ATP9A: variants seen among roughly 807,000 people sequenced by gnomAD.
ATP9A encodes the protein ATPase phospholipid transporting 9A.
In ATP9A, 52 loss-of-function variants were observed where a neutral mutation model predicts 144.1. That is an observed-to-expected ratio of 0.36 (90% CI 0.29 to 0.45). The LOEUF is 0.45. Ranked by LOEUF, ATP9A falls within the 20% of genes least tolerant of loss-of-function variation. ATP9A has a pLI of 1.00. For missense variants in ATP9A, 947 were observed against 1,392.7 expected (o/e 0.68, Z 5.09); for synonymous variants, 582 against 557.4 (o/e 1.04, Z -0.62).
intron 1 of ATP9A, chr20:51,734,840 C>A: frequency 4.6e-6 from 1 of 216,454 alleles, no homozygotes; most frequent in South Asian, 7.9e-5. Flanking sequence ...TTGTAAAGTC[C>A]AAAGAGGTTA....
At chr20:51,733,534 C>T (rs2077750845) in intron 1 of ATP9A, among the ~76,000 whole-genome samples, 1 of 152,024 alleles carries the variant, frequency 6.6e-6, no homozygotes, top group Admixed American at 6.6e-5. Flanking sequence ...CCACCACACC[C>T]AGCTAATTTT....
At chr20:51,765,718 G>C (rs1477040609) in intron 1 of ATP9A, among the ~76,000 whole-genome samples, 1 of 150,442 alleles carries the variant, frequency 6.6e-6, no homozygotes, top group Admixed American at 6.7e-5. Flanking sequence ...CACTTTCGGA[G>C]GCCAAGGCAG....
At chr20:51,712,512 T>C (rs1032050590) in intron 4 of ATP9A, among the ~76,000 whole-genome samples, 7 of 152,228 alleles carry the variant, frequency 4.6e-5, no homozygotes, top group African/African-American at 1.7e-4. Flanking sequence ...GAAATCTTCA[T>C]GGATGCAGTT....
chr20:51,757,438 G>A (rs529463234), intron 1 of ATP9A, among the ~76,000 whole-genome samples: 16 of 152,248 alleles, frequency 1.1e-4, no homozygotes, highest in Admixed American at 6.5e-4. Flanking sequence ...GGGGACCGCC[G>A]CCAACAGGCT....
At position 51,651,333 on chromosome 20, in the gene ATP9A, C is replaced by T. The variant is rs1568803568; in HGVS notation, c.1506+5605G>A. ...TAATATATTATATAATATATATTTA[C>T]ATAATATATTATATAATATATATTT... On this transcript the variant is annotated intron_variant, in intron 14 of 27. Coordinates refer to ENST00000338821, the MANE Select transcript of ATP9A (RefSeq NM_006045.3). Among the ~76,000 whole-genome samples the T allele has an allele frequency of 9.0e-5, 12 of 133,974 alleles. 1 individual carries two copies. The highest frequency in any genetic ancestry group is 4.2e-4 in the East Asian group (2 of 4,800). 87.9% of individuals were successfully genotyped at this position (133,974 alleles called of 152,430 possible).
intron 1 of ATP9A, among the ~76,000 whole-genome samples, chr20:51,738,545 A>T (rs1309846036): frequency 2.6e-5 from 4 of 151,052 alleles, no homozygotes; most frequent in African/African-American, 9.7e-5. Flanking sequence ...CTCTACTAAA[A>T]ATACAAAAGT....
In ATP9A at chr20:51,649,582, C is replaced by A. The variant is rs200742453; in HGVS notation, c.1506+7356G>T. Among the ~76,000 whole-genome samples the A allele has an allele frequency of 2.6e-5, 4 of 152,254 alleles. No homozygotes were observed. In the East Asian group the frequency reaches 7.7e-4, roughly 29 times the overall value. On this transcript the variant is annotated intron_variant, in intron 14 of 27. Coordinates refer to ENST00000338821, the MANE Select transcript of ATP9A (RefSeq NM_006045.3). ...AGTCAATGGCCCTAGTCCCTCTTTA[C>A]CTTTGAGGAGGCTGAGGTGCAGCAA... is the stretch of plus-strand genomic sequence containing the variant.
intron 3 of ATP9A, among the ~76,000 whole-genome samples, chr20:51,723,830 C>T (rs2077700515): frequency 6.6e-6 from 1 of 152,050 alleles, no homozygotes; most frequent in East Asian, 1.9e-4. Context: ...GCTGGAATTA[C>T]AGGTGTGAGC....
chr20:51,681,125 T>C lies in ATP9A; in HGVS notation c.800-4917A>G, dbSNP rs1165497557. Among the ~76,000 whole-genome samples the C allele has an allele frequency of 2.0e-5, 3 of 152,254 alleles. No individual in the cohort carries two copies. In the East Asian group the frequency reaches 5.8e-4, roughly 29 times the overall value. ...ATGACCTCTCCAAGGCATGTAACCT[T>C]GAACAAGTTGCTTAACCTGAGACTC... On this transcript the variant is annotated intron_variant, in intron 9 of 27. Coordinates refer to ENST00000338821, the MANE Select transcript of ATP9A (RefSeq NM_006045.3).
intron 23 of ATP9A, among the ~76,000 whole-genome samples, chr20:51,613,016 T>C (rs749916960): frequency 1.3e-5 from 2 of 152,138 alleles, no homozygotes; most frequent in South Asian, 4.2e-4. Context: ...GGCTTTGAGG[T>C]CCACCTGCCT....
chr20:51,649,296 G>C (rs1355678465), intron 14 of ATP9A, among the ~76,000 whole-genome samples: 2 of 152,184 alleles, frequency 1.3e-5, no homozygotes, highest in Non-Finnish European at 2.9e-5. Flanking sequence ...GGGGAGGAAA[G>C]TGGTATTGTG....
chr20:51,748,201 T>G (rs6013267), intron 1 of ATP9A, among the ~76,000 whole-genome samples: 32,993 of 152,046 alleles, frequency 0.22, 3,779 homozygotes, highest in East Asian at 0.38. Context: ...TCCCAACACT[T>G]TGAAAGGCTG....
At chr20:51,706,027 G>A (rs1350377492) in intron 4 of ATP9A, among the ~76,000 whole-genome samples, 1 of 152,134 alleles carries the variant, frequency 6.6e-6, no homozygotes, top group Non-Finnish European at 1.5e-5. Context: ...AGGAGGAAAG[G>A]GATGCTTGTT....
In ATP9A at chr20:51,600,995, A is replaced by G; in HGVS notation, c.*216T>C. The G allele has an allele frequency of 2.4e-6, 1 of 419,666 alleles. No homozygotes were observed. The highest frequency in any genetic ancestry group is 4.1e-6 in the Non-Finnish European group (1 of 244,696). The allele number at this position is 419,666 out of a possible 1,614,324, so 26.0% of individuals were successfully genotyped here. A position where few individuals can be genotyped will look rare whatever the true frequency, so the allele number is the denominator to read the frequency against. The stretch of plus-strand genomic sequence containing the variant: ...CATATTCACCTAAACATGAAGAACG[A>G]GGGGTTCAGACAGGCCCAGATGGGT... On this transcript the variant is annotated 3_prime_UTR_variant, in exon 28 of 28. Transcript: ENST00000338821.
intron 23 of ATP9A, among the ~76,000 whole-genome samples, chr20:51,612,806 A>G (rs1568784820): frequency 6.6e-6 from 1 of 152,204 alleles, no homozygotes; most frequent in African/African-American, 2.4e-5. Flanking sequence ...AAAAAGCAAG[A>G]TGGGAACAAG....
Position 51,729,903 on chromosome 20 carries a change from C to T in ATP9A, c.144G>A (p.Lys48=). 2.5e-6 allele frequency: 4 copies of T among 1,607,042 alleles called. No homozygotes were observed. The highest frequency in any genetic ancestry group is 3.4e-6 in the Non-Finnish European group (4 of 1,178,078). Residue 48 remains lysine, a synonymous_variant, in exon 2 of 28, where the codon AAG becomes AAA. Coordinates refer to ENST00000338821, the MANE Select transcript of ATP9A (RefSeq NM_006045.3). ...CATTCCGAGGATACCTCTGGTCTCT[C>T]TTCTCGGGGTGCCCCAGCCAGACAG... ...PRTVWLGHPE[K]RDQRYPRNVI...
intron 2 of ATP9A, among the ~76,000 whole-genome samples, chr20:51,727,271 T>C (rs1371120793): frequency 3.5e-5 from 5 of 141,324 alleles, no homozygotes; most frequent in South Asian, 2.2e-4. Flanking sequence ...CAAAACTCCA[T>C]CTCAAAAAAA....
chr20:51,694,349 C>T lies in ATP9A; in HGVS notation c.548-247G>A, dbSNP rs144057769. 1.4e-4 allele frequency among the ~76,000 whole-genome samples: 22 copies of T among 152,308 alleles called. 1 individual carries two copies. The highest frequency in any genetic ancestry group is 5.3e-4 in the African/African-American group (22 of 41,568). On this transcript the variant is annotated intron_variant, in intron 6 of 27. Coordinates refer to ENST00000338821, the MANE Select transcript of ATP9A (RefSeq NM_006045.3). ...CAGCTAGTTTCTTGGACTTGTCAAG[C>T]TTTAGTGTCTGTAAAACGTGGAGAA...
In ATP9A at chr20:51,613,750, C is replaced by T. The variant is rs1183526175; in HGVS notation, c.2498G>A (p.Arg833Gln). The T allele has an allele frequency of 1.2e-6, 2 of 1,613,982 alleles. No homozygotes were observed. Among genetic ancestry groups the T allele is most frequent in the Admixed American group, 1.7e-5 (1 of 59,998 alleles). The change falls in exon 23 of 28, where the codon CGG (arginine) becomes CAG (glutamine). Residue 833 changes from arginine (R) to glutamine (Q), a missense_variant. By Grantham distance (43) the Arg-to-Gln change is conservative (BLOSUM62 1). Around this residue, in one of 2 missense-constraint regions of ATP9A, gnomAD observed 177 missense variants for 344.9 expected, o/e 0.51. Transcript: ENST00000338821. ...GGCGGCTGACCGCTTGTAGCTGTTC[C>T]GGCCATGCACCATAAGCAACCGGCC... Reference protein sequence around the residue: ...HLGRLLMVHGRNSYKRSAALS... With the variant: ...HLGRLLMVHGQNSYKRSAALS...
Sources: gnomAD v4.1 joint callset for allele counts (sites outside exome capture counted in the v4.1 genomes callset) on GRCh38, gnomAD v4.1.1 for gene constraint, gnomAD v4.1.1 regional missense constraint, MANE v1.5 for transcripts, NCBI Gene and HGNC (gene_info 2026-07-23, HGNC 2026-07-21) for gene names.